The following CTNNA3 variants were observed in gnomAD, a reference collection of about 807,000 sequenced individuals.
The protein encoded by CTNNA3 is catenin alpha-3.
CTNNA3 carries 76 observed loss-of-function variants against 95.7 expected under a neutral mutation model. That is an observed-to-expected ratio of 0.79 (90% CI 0.66 to 0.96). The LOEUF (loss-of-function observed/expected upper bound fraction) is 0.96, where lower values mean the gene tolerates loss of function less well. CTNNA3 is among the 40% of genes least tolerant of loss of function. The pLI is 0.00. For missense variants in CTNNA3, 1,191 were observed against 1,089.8 expected, an observed-to-expected ratio of 1.09 and a Z score of -1.31; for synonymous variants, 431 against 374.4, an observed-to-expected ratio of 1.15 and a Z score of -1.74.
At chr10:67,443,949 A>T (rs1164438416) in intron 5 of CTNNA3, among the ~76,000 whole-genome samples, 1 of 152,192 alleles carries the variant, frequency 6.6e-6, no homozygotes, top group African/African-American at 2.4e-5. Context: ...TTAAGTCTTT[A>T]ATCCATCTTG....
At chr10:66,836,735 A>G (rs1842899789) in intron 7 of CTNNA3, among the ~76,000 whole-genome samples, 1 of 152,192 alleles carries the variant, frequency 6.6e-6, no homozygotes, top group South Asian at 2.1e-4. Context: ...CAGAAATTTT[A>G]AATAAGTTCC....
chr10:67,150,984 C>T (rs773401574), intron 7 of CTNNA3, among the ~76,000 whole-genome samples: 19 of 152,156 alleles, frequency 1.2e-4, no homozygotes, highest in Non-Finnish European at 2.5e-4. Flanking sequence ...CTACACACAT[C>T]TTCAAAAAAC....
intron 7 of CTNNA3, among the ~76,000 whole-genome samples, chr10:66,889,790 CTTTTTT>C (rs71468807): frequency 7.6e-6 from 1 of 131,080 alleles, no homozygotes; most frequent in Admixed American, 7.9e-5. Flanking sequence ...AACCACAGAC[CTTTTTT>C]TTTTTTTTTT....
At chr10:67,328,358 A>G (rs1468719487) in intron 5 of CTNNA3, among the ~76,000 whole-genome samples, 1 of 152,204 alleles carries the variant, frequency 6.6e-6, no homozygotes, top group Non-Finnish European at 1.5e-5. Flanking sequence ...AAAGGACAGC[A>G]GACCAAGGGG....
Position 67,511,831 on chromosome 10 carries a change from T to A in CTNNA3, c.579+10011A>T, listed in dbSNP as rs188583058. Among the ~76,000 whole-genome samples, 4 of 152,312 alleles carry A rather than the reference T, an allele frequency of 2.6e-5. No homozygotes were observed. In the East Asian group the frequency reaches 7.7e-4, roughly 29 times the overall value. On this transcript the variant is annotated intron_variant, in intron 5 of 17. Transcript: ENST00000433211. ...CTGTGAATGTGTCTGATCCTGGACT[T>A]TTTTTGGTTGGTAGGCTATTAATTA...
At chr10:67,437,765 A>C (rs1846353246) in intron 5 of CTNNA3, among the ~76,000 whole-genome samples, 1 of 151,952 alleles carries the variant, frequency 6.6e-6, no homozygotes, top group Non-Finnish European at 1.5e-5. Context: ...GAAAATAGGA[A>C]AAAAGAGCTG....
intron 15 of CTNNA3, among the ~76,000 whole-genome samples, chr10:66,023,642 T>C (rs1236229082): frequency 6.6e-6 from 1 of 152,202 alleles, no homozygotes; most frequent in African/African-American, 2.4e-5. Flanking sequence ...AGTGATGAAA[T>C]GTTGCTTGAA....
chr10:66,591,166 T>C (rs1277471327), intron 10 of CTNNA3, among the ~76,000 whole-genome samples: 1 of 152,154 alleles, frequency 6.6e-6, no homozygotes, highest in Non-Finnish European at 1.5e-5. Flanking sequence ...TTGTTTATAA[T>C]TGCCCTTGCA....
intron 11 of CTNNA3, among the ~76,000 whole-genome samples, chr10:66,392,208 A>C (rs1406081142): frequency 6.6e-6 from 1 of 152,090 alleles, no homozygotes; most frequent in Non-Finnish European, 1.5e-5. Context: ...AGGAGGGCAG[A>C]TCACAAGGTC....
At chr10:66,407,634 G>A (rs2093068665) in intron 11 of CTNNA3, among the ~76,000 whole-genome samples, 2 of 151,586 alleles carry the variant, frequency 1.3e-5, no homozygotes, top group Admixed American at 1.3e-4. Context: ...GGGCTGGAGT[G>A]CAGTGGCATG....
At chr10:67,299,119 G>A (rs1486456115) in intron 5 of CTNNA3, among the ~76,000 whole-genome samples, 1 of 151,954 alleles carries the variant, frequency 6.6e-6, no homozygotes, top group Non-Finnish European at 1.5e-5. Context: ...GGATGGTCTC[G>A]ATCTCTTGAC....
intron 3 of CTNNA3, among the ~76,000 whole-genome samples, chr10:67,540,917 T>C (rs542202857): frequency 6.6e-6 from 1 of 152,044 alleles, no homozygotes; most frequent in African/African-American, 2.4e-5. Context: ...AGTATCTCAA[T>C]CAAGTCACTT....
intron 13 of CTNNA3, among the ~76,000 whole-genome samples, chr10:66,149,368 T>G (rs532938887): frequency 6.6e-6 from 1 of 151,138 alleles, no homozygotes; most frequent in African/African-American, 2.4e-5. Context: ...ATTATTAATT[T>G]CTTTAAAAAT....
intron 5 of CTNNA3, among the ~76,000 whole-genome samples, chr10:67,474,916 C>T (rs187994903): frequency 5.6e-4 from 86 of 152,274 alleles, no homozygotes; most frequent in African/African-American, 2.0e-3. Flanking sequence ...AGAAATCCTA[C>T]TCCTGGATAT....
chr10:66,017,182 A>C (rs562200109), intron 15 of CTNNA3, among the ~76,000 whole-genome samples: 21 of 152,196 alleles, frequency 1.4e-4, no homozygotes, highest in Non-Finnish European at 2.6e-4. Context: ...ATTACATTAT[A>C]TCATACAACC....
chr10:65,925,714 G>A (rs1199164203), intron 17 of CTNNA3, among the ~76,000 whole-genome samples: 1 of 152,192 alleles, frequency 6.6e-6, no homozygotes, highest in Admixed American at 6.5e-5. Flanking sequence ...TGGGATTACA[G>A]GCATAAGTCA....
chr10:67,706,899 C>G (rs558202993), intron 1 of CTNNA3, among the ~76,000 whole-genome samples: 1 of 152,178 alleles, frequency 6.6e-6, no homozygotes, highest in Non-Finnish European at 1.5e-5. Context: ...ATACACACTT[C>G]AAACTTGATA....
At chr10:67,299,533 C>T (rs976495688) in intron 5 of CTNNA3, among the ~76,000 whole-genome samples, 1 of 152,096 alleles carries the variant, frequency 6.6e-6, no homozygotes, top group Non-Finnish European at 1.5e-5. Context: ...CGTGTAAAGT[C>T]ACCCTGGTAG....
At chr10:66,545,380 C>CTA (rs1253838333) in intron 10 of CTNNA3, among the ~76,000 whole-genome samples, 10 of 152,172 alleles carry the variant, frequency 6.6e-5, no homozygotes, top group Admixed American at 2.0e-4. Context: ...ATCCAGATTG[C>CTA]TATATGTACC....
Sources: allele counts gnomAD v4.1 joint callset (sites outside exome capture counted in the v4.1 genomes callset), GRCh38; gene constraint gnomAD v4.1.1; transcripts MANE v1.5; gene names NCBI Gene and HGNC (gene_info 2026-07-23, HGNC 2026-07-21).